DENND5B: variants seen among roughly 807,000 people sequenced by gnomAD.
DENND5B encodes the protein DENN domain containing 5B, also known as DENN domain-containing protein 5B.
In DENND5B, 34 loss-of-function variants were observed where a neutral mutation model predicts 140.6. That is an observed-to-expected ratio of 0.24 (90% CI 0.18 to 0.32). The LOEUF (loss-of-function observed/expected upper bound fraction) is 0.32. Among genes scored for constraint, DENND5B ranks in the 10% least tolerant of loss-of-function variants. DENND5B has a pLI of 1.00. For synonymous variants in DENND5B, 551 were observed against 562.1 expected, an observed-to-expected ratio of 0.98 and a Z score of 0.28; for missense variants, 1,142 against 1,560.2, an observed-to-expected ratio of 0.73 and a Z score of 4.52.
chr12:31,439,317 G>A (rs557524770), intron 7 of DENND5B, among the ~76,000 whole-genome samples: 1 of 152,274 alleles, frequency 6.6e-6, no homozygotes, highest in East Asian at 1.9e-4. Flanking sequence ...CTGAGGCTTC[G>A]TGTGGAAATG....
At chr12:31,426,667 C>A in intron 8 of DENND5B, 1 of 344,660 alleles carries the variant, frequency 2.9e-6, no homozygotes. Flanking sequence ...AAAACTCATT[C>A]AAAGTGAGAT....
intron 1 of DENND5B, among the ~76,000 whole-genome samples, chr12:31,559,281 A>T (rs1418056970): frequency 1.3e-5 from 2 of 152,228 alleles, no homozygotes; most frequent in African/African-American, 4.8e-5. Context: ...AGACAAGCTT[A>T]CAAAACTGGA....
chr12:31,477,600 C>T (rs1334079854), intron 3 of DENND5B: 1 of 155,526 alleles, frequency 6.4e-6, no homozygotes, highest in Non-Finnish European at 1.5e-5. Context: ...AGATTGGATT[C>T]ATCACAAATT....
chr12:31,435,958 C>T (rs192548153), intron 7 of DENND5B, among the ~76,000 whole-genome samples: 2 of 151,516 alleles, frequency 1.3e-5, no homozygotes, highest in East Asian at 2.0e-4. Flanking sequence ...CACCAATGCT[C>T]AGCTAATTTT....
chr12:31,447,004 GCT>G (rs1479610054), intron 6 of DENND5B, among the ~76,000 whole-genome samples: 1 of 152,126 alleles, frequency 6.6e-6, no homozygotes, highest in African/African-American at 2.4e-5. Flanking sequence ...GGACATGGTG[GCT>G]CACACCTGTA....
At chr12:31,437,849 A>C (rs1422566452) in intron 7 of DENND5B, among the ~76,000 whole-genome samples, 1 of 152,246 alleles carries the variant, frequency 6.6e-6, no homozygotes, top group African/African-American at 2.4e-5. Flanking sequence ...TTTGTTTCAA[A>C]AACAAGATGT....
chr12:31,411,179 C>A (rs151083456), intron 13 of DENND5B, among the ~76,000 whole-genome samples: 1,720 of 151,496 alleles, frequency 0.011, 19 homozygotes, highest in East Asian at 0.032. Flanking sequence ...GCTGGGATTA[C>A]AGGCATGTGC....
intron 17 of DENND5B, chr12:31,396,451 T>C (rs1941478252): frequency 1.3e-5 from 2 of 152,262 alleles, no homozygotes; most frequent in African/African-American, 2.4e-5. Flanking sequence ...ATTATTAGCA[T>C]GGCCCCTGCA....
intron 14 of DENND5B, among the ~76,000 whole-genome samples, chr12:31,402,944 C>T (rs192106343): frequency 2.9e-4 from 44 of 151,928 alleles, no homozygotes; most frequent in Non-Finnish European, 1.8e-4. Flanking sequence ...CACGAGAATA[C>T]CTAAAGATGT....
intron 1 of DENND5B, among the ~76,000 whole-genome samples, chr12:31,552,875 T>C (rs1243213192): frequency 6.6e-6 from 1 of 152,244 alleles, no homozygotes; most frequent in African/African-American, 2.4e-5. Context: ...ATAGTATCTC[T>C]GATGGTAGTT....
chr12:31,547,375 T>A (rs917661395), intron 1 of DENND5B, among the ~76,000 whole-genome samples: 2 of 152,178 alleles, frequency 1.3e-5, no homozygotes, highest in Non-Finnish European at 2.9e-5. Context: ...CATGATTAGA[T>A]GAAAATTTCC....
At chr12:31,456,967 C>A (rs1377972665) in intron 4 of DENND5B, among the ~76,000 whole-genome samples, 1 of 152,020 alleles carries the variant, frequency 6.6e-6, no homozygotes, top group Non-Finnish European at 1.5e-5. Flanking sequence ...GCCTCTCGTC[C>A]CAGCTACTCA....
chr12:31,400,450 C>CA (rs911939914), intron 15 of DENND5B, among the ~76,000 whole-genome samples: 1 of 152,110 alleles, frequency 6.6e-6, no homozygotes, highest in African/African-American at 2.4e-5. Context: ...ATAGGAATAG[C>CA]AAAAATGAAT....
At chr12:31,395,220 C>T (rs1941371942) in intron 17 of DENND5B, among the ~76,000 whole-genome samples, 1 of 152,078 alleles carries the variant, frequency 6.6e-6, no homozygotes, top group Non-Finnish European at 1.5e-5. Context: ...TTATAAATGC[C>T]AAGATGTTAT....
chr12:31,421,565 T>C (rs550327826), intron 11 of DENND5B, among the ~76,000 whole-genome samples: 3 of 152,130 alleles, frequency 2.0e-5, no homozygotes, highest in African/African-American at 7.2e-5. Context: ...ATACATCTTT[T>C]CTGAGAAGGA....
chr12:31,415,562 C>G, intron 11 of DENND5B, 114 bp from the exon 12 acceptor site: 1 of 827,828 alleles, frequency 1.2e-6, no homozygotes, highest in Non-Finnish European at 1.8e-6. Context: ...TATATATCAT[C>G]TAGCCCAAAA....
chr12:31,454,812 C>CT (rs201720111), intron 4 of DENND5B, among the ~76,000 whole-genome samples: 8,583 of 93,564 alleles, frequency 0.092, 1,681 homozygotes, highest in African/African-American at 0.34. Context: ...GATTCAGTAT[C>CT]TTTTTTTTTT....
intron 7 of DENND5B, among the ~76,000 whole-genome samples, chr12:31,437,865 C>T (rs912396961): frequency 6.6e-6 from 1 of 152,214 alleles, no homozygotes; most frequent in African/African-American, 2.4e-5. Context: ...GATGTGTGCA[C>T]TCCCGTTCTC....
rs574825424 is a variant in DENND5B, at chr12:31,446,696, C to T, written c.1861+842G>A. Among the ~76,000 whole-genome samples the T allele has an allele frequency of 6.0e-5, 9 of 150,672 alleles. No homozygotes were observed. The East Asian group carries it at 1.8e-3, about 31-fold the overall frequency. ...CGATCACGAGGTCGGGAGATCGACA[C>T]CATCCTGGCTAACACAGTGAAACCC... On this transcript the variant is annotated intron_variant, in intron 6 of 20. Transcript: ENST00000389082.
Sources: allele counts gnomAD v4.1 joint callset (sites outside exome capture counted in the v4.1 genomes callset), GRCh38; gene constraint gnomAD v4.1.1; transcripts MANE v1.5; gene names NCBI Gene and HGNC (gene_info 2026-07-23, HGNC 2026-07-21).